The following DGKI variants were observed in gnomAD, a reference collection of about 807,000 sequenced individuals.
DGKI encodes the protein diacylglycerol kinase iota, also known as DAG kinase iota.
A neutral mutation model predicts 147.5 loss-of-function variants in DGKI; 55 were observed. The ratio of observed to expected loss-of-function variants is 0.37; its 90% CI spans 0.30 to 0.47. DGKI has a LOEUF of 0.47. Among genes scored for constraint, DGKI ranks in the 20% least tolerant of loss-of-function variants. The probability of loss-of-function intolerance (pLI) is 1.00; values close to 1 mark genes in which losing one functional copy is unlikely to be tolerated. For synonymous variants in DGKI, 469 were observed against 477.1 expected, an observed-to-expected ratio of 0.98 and a Z score of 0.22; for missense variants, 1,007 against 1,323.8, an observed-to-expected ratio of 0.76 and a Z score of 3.71.
intron 1 of DGKI, among the ~76,000 whole-genome samples, chr7:137,835,777 AAGTAAAATT>A (rs1384366619): frequency 6.6e-6 from 1 of 152,244 alleles, no homozygotes; most frequent in Non-Finnish European, 1.5e-5. Flanking sequence ...TAATTCAAGT[AAGTAAAATT>A]AATGAGAGGG....
chr7:137,396,385 G>A (rs747682889), intron 31 of DGKI, among the ~76,000 whole-genome samples: 25 of 152,218 alleles, frequency 1.6e-4, no homozygotes, highest in Non-Finnish European at 3.5e-4. Context: ...AGGGAAACTG[G>A]CCATTTCCCC....
chr7:137,777,774 C>A (rs188677218), intron 1 of DGKI, among the ~76,000 whole-genome samples: 6 of 152,108 alleles, frequency 3.9e-5, no homozygotes, highest in African/African-American at 1.4e-4. Context: ...GAAAGCTTTC[C>A]TCTGGATAAC....
rs770257243 is a variant in DGKI, at chr7:137,383,616, A to G, written c.*7604T>C. The G allele has an allele frequency of 2.0e-5, 3 of 152,022 alleles. No homozygotes were observed. The highest frequency in any genetic ancestry group is 4.8e-5 in the African/African-American group (2 of 41,422). The allele number at this position is 152,022 out of a possible 1,614,324, so 9.4% of individuals were successfully genotyped here. A position where few individuals can be genotyped will look rare whatever the true frequency, so the allele number is the denominator to read the frequency against. ...TTAGTTGTTCAATCTTCACTTAACT[A>G]CTAGAAGAAACAGTGATAACAACTT... On this transcript the variant is annotated 3_prime_UTR_variant, in exon 33 of 33. Transcript: ENST00000614521.
At chr7:137,762,618 T>A (rs1795892257) in intron 1 of DGKI, among the ~76,000 whole-genome samples, 1 of 152,226 alleles carries the variant, frequency 6.6e-6, no homozygotes, top group South Asian at 2.1e-4. Flanking sequence ...CCAGCATGGA[T>A]CACAGCTAAC....
At chr7:137,653,214 A>G (rs761530591) in intron 5 of DGKI, among the ~76,000 whole-genome samples, 7 of 152,222 alleles carry the variant, frequency 4.6e-5, no homozygotes, top group Non-Finnish European at 1.0e-4. Context: ...AATCCAATCA[A>G]TTACTACATC....
At chr7:137,559,278 AG>A (rs1818336224) in intron 19 of DGKI, among the ~76,000 whole-genome samples, 1 of 150,898 alleles carries the variant, frequency 6.6e-6, no homozygotes, top group Non-Finnish European at 1.5e-5. Flanking sequence ...TCACCGTTAT[AG>A]CCGGGATGGT....
chr7:137,450,017 T>C (rs937906996), intron 27 of DGKI, among the ~76,000 whole-genome samples: 3 of 152,192 alleles, frequency 2.0e-5, no homozygotes, highest in African/African-American at 7.2e-5. Flanking sequence ...TATGTTAAGC[T>C]AAATAAGCCA....
At chr7:137,486,525 T>A (rs1018364825) in intron 22 of DGKI, among the ~76,000 whole-genome samples, 3 of 152,134 alleles carry the variant, frequency 2.0e-5, no homozygotes, top group Non-Finnish European at 4.4e-5. Flanking sequence ...TCACGTATTT[T>A]AACTTGTTTA....
chr7:137,844,574 C>T (rs1165804500), intron 1 of DGKI, among the ~76,000 whole-genome samples: 2 of 152,148 alleles, frequency 1.3e-5, no homozygotes, highest in Non-Finnish European at 2.9e-5. Context: ...ATGATGTTCA[C>T]GAAGTAGAAT....
At chr7:137,439,459 G>C (rs1813410101) in intron 28 of DGKI, among the ~76,000 whole-genome samples, 1 of 152,214 alleles carries the variant, frequency 6.6e-6, no homozygotes, top group Non-Finnish European at 1.5e-5. Flanking sequence ...AGGCAAGAGA[G>C]AGCTTGTGCA....
At chr7:137,799,293 T>C (rs893313677) in intron 1 of DGKI, among the ~76,000 whole-genome samples, 2 of 152,164 alleles carry the variant, frequency 1.3e-5, no homozygotes, top group African/African-American at 4.8e-5. Flanking sequence ...TTATTTGAAA[T>C]GCCCAGAATA....
At chr7:137,486,391 T>G (rs1043969913) in intron 22 of DGKI, among the ~76,000 whole-genome samples, 1 of 152,148 alleles carries the variant, frequency 6.6e-6, no homozygotes. Flanking sequence ...CAATTATGAT[T>G]CATTTTTTTC....
chr7:137,666,519 ATCT>A (rs1822647729), intron 3 of DGKI, among the ~76,000 whole-genome samples: 2 of 152,238 alleles, frequency 1.3e-5, no homozygotes, highest in African/African-American at 2.4e-5. Flanking sequence ...TCTTTTGGAA[ATCT>A]TCTTACAATT....
intron 26 of DGKI, among the ~76,000 whole-genome samples, chr7:137,464,575 C>T (rs1156918973): frequency 6.6e-6 from 1 of 152,188 alleles, no homozygotes; most frequent in Admixed American, 6.5e-5. Flanking sequence ...GCTCTGACAT[C>T]GCAGCTCTGG....
At chr7:137,500,741 T>C (rs940843085) in intron 21 of DGKI, among the ~76,000 whole-genome samples, 7 of 152,128 alleles carry the variant, frequency 4.6e-5, no homozygotes, top group African/African-American at 1.4e-4. Context: ...TAATTTTTTA[T>C]TGATACATAA....
intron 1 of DGKI, among the ~76,000 whole-genome samples, chr7:137,716,814 A>T (rs1794390382): frequency 6.6e-6 from 1 of 152,210 alleles, no homozygotes; most frequent in Admixed American, 6.5e-5. Context: ...TACGATAGCT[A>T]GCCTATTCCT....
intron 1 of DGKI, among the ~76,000 whole-genome samples, chr7:137,735,260 C>G (rs1794990189): frequency 6.6e-6 from 1 of 152,130 alleles, no homozygotes; most frequent in Non-Finnish European, 1.5e-5. Context: ...TACCCTCTGC[C>G]TCATACTTTT....
At chr7:137,441,735 G>A (rs950021780) in intron 28 of DGKI, among the ~76,000 whole-genome samples, 1 of 152,152 alleles carries the variant, frequency 6.6e-6, no homozygotes, top group African/African-American at 2.4e-5. Flanking sequence ...AAACAAAATA[G>A]AAAATCAAGA....
At chr7:137,512,795 T>A (rs1313284012) in intron 21 of DGKI, among the ~76,000 whole-genome samples, 1 of 152,134 alleles carries the variant, frequency 6.6e-6, no homozygotes, top group Non-Finnish European at 1.5e-5. Context: ...TTTATTTTCT[T>A]ATAAAGAAAG....
Sources: allele counts gnomAD v4.1 joint callset (sites outside exome capture counted in the v4.1 genomes callset), GRCh38; gene constraint gnomAD v4.1.1; transcripts MANE v1.5; gene names NCBI Gene and HGNC (gene_info 2026-07-23, HGNC 2026-07-21).